Variants in TBCE observed in about 807,000 individuals in gnomAD.
TBCE encodes tubulin folding cofactor E, also known as tubulin-specific chaperone E.
A neutral mutation model predicts 77.0 loss-of-function variants in TBCE; 53 were observed. That is an observed-to-expected ratio of 0.69 (90% CI 0.55 to 0.87). TBCE has a LOEUF of 0.87. Among genes scored for constraint, TBCE ranks in the 40% least tolerant of loss-of-function variants. The probability of loss-of-function intolerance (pLI) is 0.00; values close to 1 mark genes in which losing one functional copy is unlikely to be tolerated. For missense variants in TBCE, 624 were observed against 622.4 expected (o/e 1.00, Z -0.03); for synonymous variants, 235 against 241.3 (o/e 0.97, Z 0.24).
At position 235,413,691 on chromosome 1, in the gene TBCE, C is replaced by T. The variant is rs567172458; in HGVS notation, c.186-742C>T. Reference sequence around the variant, plus strand: ...AAAAAAAAAGAAAAAAAGTAATGATCGTAAGCTGAAATAGTGTTTATAATA... The same window carrying T: ...AAAAAAAAAGAAAAAAAGTAATGATTGTAAGCTGAAATAGTGTTTATAATA... On this transcript the variant is annotated intron_variant, in intron 3 of 16. Transcript: ENST00000642610. Among the ~76,000 whole-genome samples the T allele has an allele frequency of 3.5e-4, 52 of 150,410 alleles. 1 individual carries two copies. The highest frequency in any genetic ancestry group is 5.2e-4 in the Non-Finnish European group (35 of 67,648).
intron 2 of TBCE, among the ~76,000 whole-genome samples, chr1:235,400,582 A>G (rs978285087): frequency 6.7e-6 from 1 of 149,534 alleles, no homozygotes; most frequent in Admixed American, 6.7e-5. Flanking sequence ...TTGTATTTTT[A>G]GTAGAGACGG....
intron 7 of TBCE, among the ~76,000 whole-genome samples, chr1:235,431,734 G>A (rs1159258181): frequency 1.2e-4 from 17 of 139,308 alleles, no homozygotes; most frequent in African/African-American, 3.2e-4. Context: ...GTGCAGTGGC[G>A]CAATCTCGGC....
intron 5 of TBCE, among the ~76,000 whole-genome samples, chr1:235,422,816 C>T (rs182843609): frequency 1.4e-4 from 21 of 152,202 alleles, no homozygotes; most frequent in Admixed American, 5.9e-4. Context: ...GCGACAAGAG[C>T]GAGACTCCGT....
rs1027483697 is a variant in TBCE at position 235,423,438 on chromosome 1, C to T, written c.461-3702C>T. On this transcript the variant is annotated intron_variant, in intron 5 of 16. Transcript: ENST00000642610. ...TAATGGGAAGCAGCAGTGAGGGAAGCGTGATTGGACTTAAACCCTTCCTCA... is the reference window on the plus strand; with the variant it reads ...TAATGGGAAGCAGCAGTGAGGGAAGTGTGATTGGACTTAAACCCTTCCTCA... 2.6e-5 allele frequency among the ~76,000 whole-genome samples: 4 copies of T among 152,184 alleles called. 1 individual carries two copies. Among genetic ancestry groups the T allele is most frequent in the Middle Eastern group, 3.4e-3 (1 of 294 alleles).
Position 235,447,949 on chromosome 1 carries a change from G to A in TBCE, c.1400-400G>A, listed in dbSNP as rs140720143. ...AGATACAGCCAGGCGCTGGGCTCAT[G>A]CTTGTAATCCCAGCACTTTGGGGGG... On this transcript the variant is annotated intron_variant, in intron 15 of 16. Coordinates refer to ENST00000642610, the MANE Select transcript of TBCE (RefSeq NM_003193.5). Among the ~76,000 whole-genome samples the A allele has an allele frequency of 6.6e-5, 10 of 152,232 alleles. 1 individual carries two copies. Among genetic ancestry groups the A allele is most frequent in the Admixed American group, 1.3e-4 (2 of 15,280 alleles).
chr1:235,410,045 CAAAA>C (rs560387682), intron 3 of TBCE, among the ~76,000 whole-genome samples: 1 of 143,630 alleles, frequency 7.0e-6, no homozygotes, highest in Non-Finnish European at 1.5e-5. Flanking sequence ...AAAACAAAAA[CAAAA>C]AAAACAGAAA....
chr1:235,382,134 G>A (rs984598434), intron 2 of TBCE, among the ~76,000 whole-genome samples: 1 of 151,336 alleles, frequency 6.6e-6, no homozygotes, highest in Non-Finnish European at 1.5e-5. Flanking sequence ...TCCCTATAAA[G>A]GACATGAACT....
chr1:235,374,512 A>T lies in TBCE; in HGVS notation c.-31-5507A>T, dbSNP rs887828858. ...AATGGCCTTCCATATTTATTTATTT[A>T]TTTTTTGAGACTGAATCTCCCTCTG... On this transcript the variant is annotated intron_variant, in intron 1 of 16. Transcript: ENST00000642610. Among the ~76,000 whole-genome samples, 12 of 144,954 alleles carry T rather than the reference A, an allele frequency of 8.3e-5. 2 individuals are homozygous for T. The Middle Eastern group carries it at 0.011, about 129-fold the overall frequency.
At chr1:235,372,405 C>T (rs138997464) in intron 1 of TBCE, among the ~76,000 whole-genome samples, 1 of 152,138 alleles carries the variant, frequency 6.6e-6, no homozygotes, top group African/African-American at 2.4e-5. Context: ...GAATTTTTCC[C>T]AAGGAAATAC....
intron 2 of TBCE, among the ~76,000 whole-genome samples, chr1:235,394,949 C>G (rs565392001): frequency 2.8e-4 from 42 of 152,174 alleles, no homozygotes; most frequent in African/African-American, 9.7e-4. Flanking sequence ...AAGCGATCCT[C>G]CTGCCTTGGC....
intron 8 of TBCE, among the ~76,000 whole-genome samples, chr1:235,435,102 G>T (rs376191560): frequency 1.9e-4 from 28 of 145,296 alleles, no homozygotes; most frequent in African/African-American, 7.1e-4. Context: ...CAGGTTTTTT[G>T]TTTTGTTTTT....
At chr1:235,368,139 C>T (rs1230779269) in intron 1 of TBCE, among the ~76,000 whole-genome samples, 1 of 152,206 alleles carries the variant, frequency 6.6e-6, no homozygotes, top group Non-Finnish European at 1.5e-5. Flanking sequence ...CTCCTGATCT[C>T]AGATGATCCA....
intron 13 of TBCE, among the ~76,000 whole-genome samples, chr1:235,439,246 T>C (rs149371251): frequency 0.052 from 7,748 of 150,348 alleles, 380 homozygotes; most frequent in African/African-American, 0.13. Context: ...AATCCCAGCA[T>C]TTTGGGAGGC....
Position 235,448,861 on chromosome 1 carries a change from G to A in TBCE, c.*99G>A. The A allele has an allele frequency of 1.1e-6, 1 of 933,632 alleles. No individual in the cohort carries two copies. Among genetic ancestry groups the A allele is most frequent in the African/African-American group, 1.6e-5 (1 of 61,516 alleles). The allele number at this position is 933,632 out of a possible 1,614,324, so 57.8% of individuals were successfully genotyped here. On this transcript the variant is annotated 3_prime_UTR_variant, in exon 17 of 17. Coordinates refer to ENST00000642610, the MANE Select transcript of TBCE (RefSeq NM_003193.5). The stretch of plus-strand genomic sequence containing the variant: ...GAACAATTCTACTGTCAAAACAAAG[G>A]GGGTTTACAACTTGTCCTAAGTATA...
chr1:235,393,014 T>TA (rs1019824980), intron 2 of TBCE, among the ~76,000 whole-genome samples: 1 of 151,428 alleles, frequency 6.6e-6, no homozygotes, highest in African/African-American at 2.4e-5. Flanking sequence ...AAAAAATTAA[T>TA]AAAAAAAAAT....
intron 15 of TBCE, 64 bp from the exon 16 acceptor site, chr1:235,448,285 T>C (rs886140106): frequency 1.0e-5 from 13 of 1,258,244 alleles, no homozygotes; most frequent in Non-Finnish European, 1.4e-5. Context: ...TCTCATCACA[T>C]GAGCTAGTTT....
intron 2 of TBCE, among the ~76,000 whole-genome samples, chr1:235,399,908 C>G (rs1187788023): frequency 2.0e-5 from 3 of 152,012 alleles, no homozygotes; most frequent in African/African-American, 7.2e-5. Context: ...GGGGAAAACC[C>G]CCACACATTC....
chr1:235,438,909 G>A lies in TBCE; in HGVS notation c.1257G>A (p.Gln419=). The A allele has an allele frequency of 6.8e-6, 11 of 1,614,140 alleles. No individual in the cohort carries two copies. Among genetic ancestry groups the A allele is most frequent in the African/African-American group, 6.7e-5 (5 of 75,044 alleles). ...EEFLTAHPRY[Q]FLCLKYGAPE... is the part of the protein sequence containing the mutation. The stretch of plus-strand genomic sequence containing the variant: ...TCCTCACAGCCCATCCCAGATACCA[G>A]TTCCTCTGCCTGAGTACGTGCGTAT... Residue 419 remains glutamine (Q), a synonymous_variant, in exon 13 of 17, where the codon CAG becomes CAA. Coordinates refer to ENST00000642610, the MANE Select transcript of TBCE (RefSeq NM_003193.5).
chr1:235,427,262 T>C, intron 6 of TBCE, 23 bp downstream of exon 6: 1 of 1,520,340 alleles, frequency 6.6e-7, no homozygotes, highest in Non-Finnish European at 9.1e-7. Context: ...GGTTGCTGAA[T>C]CTTCATTAAC....
Sources: allele counts gnomAD v4.1 joint callset (sites outside exome capture counted in the v4.1 genomes callset), GRCh38; gene constraint gnomAD v4.1.1; transcripts MANE v1.5; gene names NCBI Gene and HGNC (gene_info 2026-07-23, HGNC 2026-07-21).